The following PACRG variants were observed in gnomAD, a reference collection of about 807,000 sequenced individuals.
The protein encoded by PACRG is parkin coregulated.
In PACRG, 29 loss-of-function variants were observed where a neutral mutation model predicts 29.7. That is an observed-to-expected ratio of 0.98 (90% CI 0.73 to 1.33). The LOEUF (loss-of-function observed/expected upper bound fraction) is 1.33. PACRG is among the 40% of genes most tolerant of loss of function. The pLI is 0.00. For synonymous variants in PACRG, 116 were observed against 118.7 expected (o/e 0.98, Z 0.15); for missense variants, 279 against 316.2 (o/e 0.88, Z 0.89).
Position 162,839,557 on chromosome 6 carries a change from G to C in PACRG, c.291+25276G>C, listed in dbSNP as rs1789563141. On this transcript the variant is annotated intron_variant, in intron 2 of 4. Transcript: ENST00000366888. ...ATTTTGTAGGTTGCTTGTTCACTCTGATGGTAGTTTCTTTTGCTGTGCAGA... is the reference window on the plus strand; with the variant it reads ...ATTTTGTAGGTTGCTTGTTCACTCTCATGGTAGTTTCTTTTGCTGTGCAGA... 3.9e-5 allele frequency among the ~76,000 whole-genome samples: 6 copies of C among 152,132 alleles called. No homozygotes were observed. In the South Asian group the frequency reaches 1.2e-3, roughly 32 times the overall value.
chr6:162,874,414 A>G (rs1176960751), intron 2 of PACRG, among the ~76,000 whole-genome samples: 2 of 152,070 alleles, frequency 1.3e-5, no homozygotes, highest in African/African-American at 4.8e-5. Flanking sequence ...ACACTCATCC[A>G]TCTTCCTTCT....
chr6:162,801,938 G>A (rs1452706648), intron 1 of PACRG, among the ~76,000 whole-genome samples: 3 of 152,088 alleles, frequency 2.0e-5, no homozygotes, highest in Admixed American at 6.6e-5. Context: ...AATTAAAATT[G>A]TACAGAATTC....
At chr6:162,859,407 C>T (rs1249223197) in intron 2 of PACRG, among the ~76,000 whole-genome samples, 1 of 152,116 alleles carries the variant, frequency 6.6e-6, no homozygotes, top group Non-Finnish European at 1.5e-5. Flanking sequence ...AAGGAACTAC[C>T]TTTTCCTAAT....
intron 2 of PACRG, among the ~76,000 whole-genome samples, chr6:162,967,000 G>A (rs550785816): frequency 7.9e-5 from 12 of 152,228 alleles, no homozygotes; most frequent in African/African-American, 2.9e-4. Context: ...CAGCTTCAGG[G>A]CAACTTACAC....
chr6:162,781,935 G>A (rs1011271009), intron 1 of PACRG, among the ~76,000 whole-genome samples: 1 of 151,746 alleles, frequency 6.6e-6, no homozygotes, highest in African/African-American at 2.4e-5. Flanking sequence ...TATATTAAAT[G>A]TAAATGGTTT....
At chr6:163,267,162 C>G (rs1338137190) in intron 4 of PACRG, among the ~76,000 whole-genome samples, 3 of 152,070 alleles carry the variant, frequency 2.0e-5, no homozygotes, top group South Asian at 2.1e-4. Context: ...GGGGGTCTGC[C>G]ACTCGTTGGT....
chr6:163,188,103 C>A (rs1357449696), intron 4 of PACRG, among the ~76,000 whole-genome samples: 1 of 152,180 alleles, frequency 6.6e-6, no homozygotes, highest in Non-Finnish European at 1.5e-5. Flanking sequence ...ATATGAGTAT[C>A]TTTTCCTACA....
intron 2 of PACRG, among the ~76,000 whole-genome samples, chr6:162,874,448 T>G (rs1021192237): frequency 2.6e-5 from 4 of 152,046 alleles, no homozygotes; most frequent in Non-Finnish European, 5.9e-5. Flanking sequence ...AGGGGTCTGT[T>G]CACAGGAGGG....
intron 2 of PACRG, among the ~76,000 whole-genome samples, chr6:162,907,765 T>G (rs1226323311): frequency 6.6e-6 from 1 of 152,170 alleles, no homozygotes; most frequent in Non-Finnish European, 1.5e-5. Context: ...ATGGAAGCTA[T>G]AAAACATATT....
intron 2 of PACRG, among the ~76,000 whole-genome samples, chr6:163,034,019 C>T (rs1178299467): frequency 6.6e-6 from 1 of 151,940 alleles, no homozygotes; most frequent in Non-Finnish European, 1.5e-5. Flanking sequence ...ATTAATCAAA[C>T]TTTACAGAGG....
intron 2 of PACRG, among the ~76,000 whole-genome samples, chr6:163,038,876 T>C (rs1160857940): frequency 6.6e-6 from 1 of 152,166 alleles, no homozygotes; most frequent in African/African-American, 2.4e-5. Flanking sequence ...GTTACATGAC[T>C]TTAGGTTTAC....
At chr6:162,969,525 A>G (rs1801351092) in intron 2 of PACRG, among the ~76,000 whole-genome samples, 1 of 152,068 alleles carries the variant, frequency 6.6e-6, no homozygotes, top group Non-Finnish European at 1.5e-5. Flanking sequence ...GTGACCTTCA[A>G]ATGTCACTCA....
In PACRG at chr6:162,780,395, G is replaced by T. The variant is rs146894738; in HGVS notation, c.157-33752G>T. Among the ~76,000 whole-genome samples the T allele has an allele frequency of 3.5e-3, 532 of 152,070 alleles. 3 individuals are homozygous for T. The highest frequency in any genetic ancestry group is 0.012 in the African/African-American group (499 of 41,484). ...CTAAATAAGTTAACCATGTTCCAGAGAAATTTCAAAAATATTTATAGCTAT... is the reference window on the plus strand; with the variant it reads ...CTAAATAAGTTAACCATGTTCCAGATAAATTTCAAAAATATTTATAGCTAT... On this transcript the variant is annotated intron_variant, in intron 1 of 4. Transcript: ENST00000366888.
chr6:163,275,262 A>C (rs1783985384), intron 4 of PACRG, among the ~76,000 whole-genome samples: 3 of 152,078 alleles, frequency 2.0e-5, no homozygotes, highest in Admixed American at 2.0e-4. Flanking sequence ...AATGAACTCT[A>C]TTTTCCATCT....
intron 2 of PACRG, among the ~76,000 whole-genome samples, chr6:162,958,878 TATATATAGAGAGAGAGAGAGAG>T (rs1377708253): frequency 8.2e-3 from 165 of 20,118 alleles, no homozygotes; most frequent in African/African-American, 0.021. Context: ...TATATATATA[TATATATAGAGAGAGAGAGAGAG>T]AGAGAGAGAG....
intron 2 of PACRG, among the ~76,000 whole-genome samples, chr6:162,994,407 A>C (rs1028893700): frequency 6.8e-6 from 1 of 147,752 alleles, no homozygotes; most frequent in Non-Finnish European, 1.5e-5. Context: ...GTCTTTTCAC[A>C]TAGTCCCATA....
chr6:162,738,735 G>C (rs1307296206), intron 1 of PACRG, among the ~76,000 whole-genome samples: 1 of 152,088 alleles, frequency 6.6e-6, no homozygotes, highest in Non-Finnish European at 1.5e-5. Flanking sequence ...TAAATGCTCT[G>C]GTTACAAAGT....
intron 4 of PACRG, among the ~76,000 whole-genome samples, chr6:163,129,331 G>C (rs535035): frequency 0.37 from 55,995 of 152,130 alleles, 10,872 homozygotes; most frequent in East Asian, 0.71. Flanking sequence ...TCGTTTTTTA[G>C]GTGCCCAGGT....
At chr6:163,103,170 G>C (rs975562700) in intron 4 of PACRG, among the ~76,000 whole-genome samples, 3 of 152,212 alleles carry the variant, frequency 2.0e-5, no homozygotes, top group African/African-American at 7.2e-5. Context: ...GGGGATCAAA[G>C]TGTCAGTTGC....
Sources: allele counts gnomAD v4.1 joint callset (sites outside exome capture counted in the v4.1 genomes callset), GRCh38; gene constraint gnomAD v4.1.1; transcripts MANE v1.5; gene names NCBI Gene and HGNC (gene_info 2026-07-23, HGNC 2026-07-21).